PSME3IP1: variants seen among roughly 807,000 people sequenced by gnomAD.
PSME3IP1 encodes the protein proteasome activator subunit 3 interacting protein 1.
A neutral mutation model predicts 34.1 loss-of-function variants in PSME3IP1; 13 were observed. The observed-to-expected ratio is 0.38, with a 90% CI of 0.25 to 0.61. The LOEUF (loss-of-function observed/expected upper bound fraction) is 0.61, where lower values mean the gene tolerates loss of function less well. Ranked by LOEUF, PSME3IP1 falls within the 20% of genes least tolerant of loss-of-function variation. PSME3IP1 has a pLI of 0.60. For missense variants in PSME3IP1, 237 were observed against 301.4 expected (o/e 0.79, Z 1.58); for synonymous variants, 93 against 114.3 (o/e 0.81, Z 1.19).
Position 57,153,671 on chromosome 16 carries a change from G to C in PSME3IP1, c.*619C>G, listed in dbSNP as rs1485377509. The C allele has an allele frequency of 2.0e-5, 3 of 152,206 alleles. No homozygotes were observed. Among genetic ancestry groups the C allele is most frequent in the Non-Finnish European group, 4.4e-5 (3 of 68,066 alleles). The allele number at this position is 152,206 out of a possible 1,614,324, so 9.4% of individuals were successfully genotyped here. ...TGGGGTTGGAGAGAGAGGAGAGAGG[G>C]AATGGCCAAGGGTATGGAAAGCTTT... On this transcript the variant is annotated 3_prime_UTR_variant, in exon 7 of 7. Coordinates refer to ENST00000309137, the MANE Select transcript of PSME3IP1 (RefSeq NM_024946.4).
chr16:57,185,508 G>A (rs1347628542), intron 1 of PSME3IP1: 3 of 985,352 alleles, frequency 3.0e-6, no homozygotes, highest in Middle Eastern at 5.2e-4. Flanking sequence ...CCTCTGGAAC[G>A]GAGCCTGCTA....
At chr16:57,181,657 G>C (rs1162559156) in intron 1 of PSME3IP1, 1 of 152,220 alleles carries the variant, frequency 6.6e-6, no homozygotes, top group African/African-American at 2.4e-5. Flanking sequence ...TTTACCTGTA[G>C]TTCTAACCAA....
At chr16:57,171,442 G>C (rs565637142) in intron 4 of PSME3IP1, among the ~76,000 whole-genome samples, 3 of 152,316 alleles carry the variant, frequency 2.0e-5, no homozygotes, top group South Asian at 4.1e-4. Context: ...AAAGTGACAT[G>C]ATGCCATGTA....
At chr16:57,177,257 G>C (rs1245181465) in intron 1 of PSME3IP1, among the ~76,000 whole-genome samples, 1 of 151,714 alleles carries the variant, frequency 6.6e-6, no homozygotes, top group East Asian at 1.9e-4. Flanking sequence ...ACCTAAATAA[G>C]AATTCAGAGA....
intron 1 of PSME3IP1, among the ~76,000 whole-genome samples, chr16:57,182,540 C>G (rs1485321901): frequency 7.2e-6 from 1 of 138,886 alleles, no homozygotes; most frequent in Non-Finnish European, 1.5e-5. Flanking sequence ...TAAGGAGATA[C>G]CCATTTCCCT....
At chr16:57,175,207 G>T (rs1352412930) in intron 1 of PSME3IP1, among the ~76,000 whole-genome samples, 1 of 152,068 alleles carries the variant, frequency 6.6e-6, no homozygotes, top group Non-Finnish European at 1.5e-5. Flanking sequence ...TAGAGATGGG[G>T]TTTCACTATG....
At chr16:57,170,210 G>A (rs1308300590) in intron 4 of PSME3IP1, among the ~76,000 whole-genome samples, 3 of 151,642 alleles carry the variant, frequency 2.0e-5, no homozygotes, top group African/African-American at 7.3e-5. Context: ...AGCCTCCTGA[G>A]TAGTTGGGAC....
intron 6 of PSME3IP1, among the ~76,000 whole-genome samples, chr16:57,157,506 A>T (rs1424012048): frequency 1.3e-4 from 20 of 152,172 alleles, no homozygotes; most frequent in African/African-American, 4.8e-4. Flanking sequence ...AATAAATAAA[A>T]ACTGGTAGCA....
intron 4 of PSME3IP1, 43 bp from the exon 5 acceptor site, chr16:57,167,269 A>C (rs1272867231): frequency 6.2e-7 from 1 of 1,611,526 alleles, no homozygotes; most frequent in Non-Finnish European, 8.5e-7. Flanking sequence ...AAGGGAAGAC[A>C]ACAAATATAA....
chr16:57,172,953 T>G, intron 2 of PSME3IP1, 79 bp from the exon 3 acceptor site: 2 of 968,282 alleles, frequency 2.1e-6, no homozygotes, highest in Non-Finnish European at 3.3e-6. Context: ...TATTTTGGAA[T>G]CACAAAAGGT....
At position 57,172,367 on chromosome 16, in the gene PSME3IP1, T is replaced by A. The variant is rs371988638; in HGVS notation, c.232A>T (p.Met78Leu). 1 of 1,613,638 alleles carries A rather than the reference T, an allele frequency of 6.2e-7. No homozygotes were observed. The highest frequency in any genetic ancestry group is 2.2e-5 in the East Asian group (1 of 44,854). The change falls in exon 4 of 7, where the codon ATG becomes TTG. Residue 78 changes from methionine to leucine, a missense_variant. Physicochemically the swap from Met to Leu is conservative, Grantham distance 15 (BLOSUM62 2). Coordinates refer to ENST00000309137, the MANE Select transcript of PSME3IP1 (RefSeq NM_024946.4). ...EYEEQFKFKN[M>L]VRGLDEDETN... Reference sequence around the variant, plus strand: ...TCATCTTCATCTAAGCCTCTTACCATGTTTTCTGAGGAAATAATTAAACAA... The same window carrying A: ...TCATCTTCATCTAAGCCTCTTACCAAGTTTTCTGAGGAAATAATTAAACAA...
intron 2 of PSME3IP1, 21 bp from the exon 3 acceptor site, chr16:57,172,895 G>A: frequency 7.0e-7 from 1 of 1,438,388 alleles, no homozygotes; most frequent in Non-Finnish European, 9.8e-7. Context: ...AAGGAGAGGG[G>A]AGAGAGGTGG....
At chr16:57,160,408 T>C (rs2145511191) in intron 6 of PSME3IP1, among the ~76,000 whole-genome samples, 1 of 152,366 alleles carries the variant, frequency 6.6e-6, no homozygotes, top group African/African-American at 2.4e-5. Flanking sequence ...ATTAAAAAGA[T>C]GTCAGTGAAA....
chr16:57,157,286 C>T (rs1347155529), intron 6 of PSME3IP1, among the ~76,000 whole-genome samples: 3 of 140,488 alleles, frequency 2.1e-5, no homozygotes, highest in Non-Finnish European at 3.0e-5. Context: ...GAACTCCAAA[C>T]TGGGTGACAG....
chr16:57,159,754 A>G (rs1434152225), intron 6 of PSME3IP1, among the ~76,000 whole-genome samples: 1 of 151,878 alleles, frequency 6.6e-6, no homozygotes, highest in Admixed American at 6.5e-5. Context: ...AGATAGTTCA[A>G]AGAATCCACA....
rs999329593 is a variant in PSME3IP1 at position 57,178,544 on chromosome 16, G to A, written c.-15-4675C>T. 8.1e-6 allele frequency: 8 copies of A among 985,204 alleles called. No homozygotes were observed. In the African/African-American group the frequency reaches 8.7e-5, roughly 11 times the overall value. The allele number at this position is 985,204 out of a possible 1,614,324, so 61.0% of individuals were successfully genotyped here. ...AGGAGCTGAAGAATCTGAGCAGGGAGGAATGAACTCACATGAATATTCCTA... is the reference window on the plus strand; with the variant it reads ...AGGAGCTGAAGAATCTGAGCAGGGAAGAATGAACTCACATGAATATTCCTA... On this transcript the variant is annotated intron_variant, in intron 1 of 6. Transcript: ENST00000309137.
chr16:57,178,169 T>A (rs536957244), intron 1 of PSME3IP1, among the ~76,000 whole-genome samples: 1 of 152,256 alleles, frequency 6.6e-6, no homozygotes, highest in Admixed American at 6.5e-5. Context: ...ATTAGCATTT[T>A]CTTCTGTAGG....
intron 6 of PSME3IP1, among the ~76,000 whole-genome samples, chr16:57,157,104 T>C (rs1411994256): frequency 6.6e-6 from 1 of 152,072 alleles, no homozygotes; most frequent in Non-Finnish European, 1.5e-5. Context: ...GCCCAGGAGT[T>C]TGAGAACAGC....
chr16:57,167,609 T>A (rs930267934), intron 4 of PSME3IP1, among the ~76,000 whole-genome samples: 1 of 152,064 alleles, frequency 6.6e-6, no homozygotes, highest in Non-Finnish European at 1.5e-5. Context: ...CCTTCAAGGG[T>A]TAAATCAAAT....
Sources: gnomAD v4.1 joint callset for allele counts (sites outside exome capture counted in the v4.1 genomes callset) on GRCh38, gnomAD v4.1.1 for gene constraint, MANE v1.5 for transcripts, NCBI Gene and HGNC (gene_info 2026-07-23, HGNC 2026-07-21) for gene names.